Variants in DCAF1 observed in about 807,000 individuals in gnomAD.
DCAF1 encodes the protein DDB1 and CUL4 associated factor 1.
Under a neutral mutation model 128.0 loss-of-function variants are expected in DCAF1, and 15 were observed. The observed-to-expected ratio is 0.12, with a 90% confidence interval of 0.08 to 0.18. The LOEUF is 0.18. Among genes scored for constraint, DCAF1 ranks in the 10% least tolerant of loss-of-function variants. DCAF1 has a pLI of 1.00. For missense variants in DCAF1, 988 were observed against 1,649.5 expected, an observed-to-expected ratio of 0.60 and a Z score of 6.95; for synonymous variants, 610 against 603.0, an observed-to-expected ratio of 1.01 and a Z score of -0.17.
intron 2 of DCAF1, 121 bp from the exon 3 acceptor site, chr3:51,483,957 C>G: frequency 1.5e-6 from 1 of 674,772 alleles, no homozygotes. Context: ...GGAAATTTAA[C>G]CCCTTGAACC....
At chr3:51,434,227 C>A (rs1321382474) in intron 9 of DCAF1, among the ~76,000 whole-genome samples, 1 of 152,104 alleles carries the variant, frequency 6.6e-6, no homozygotes, top group Admixed American at 6.6e-5. Context: ...CATAGCACAA[C>A]CCCATCTCCA....
In DCAF1 at chr3:51,420,227, T is replaced by C. The variant is rs368429673; in HGVS notation, c.2743A>G (p.Ser915Gly). The C allele has an allele frequency of 3.1e-6, 5 of 1,613,908 alleles. No homozygotes were observed. Among genetic ancestry groups the C allele is most frequent in the South Asian group, 1.1e-5 (1 of 91,090 alleles). Residue 915 changes from serine to glycine, a missense_variant, in exon 15 of 25, where the codon AGC becomes GGC. Transcript: ENST00000684031. The surrounding 1 kb of genome is among the most constrained non-coding windows in gnomAD (Gnocchi z 6.5). ...IANGIATRLGSHAAVGASAPS... is the reference protein window; with the variant it reads ...IANGIATRLGGHAAVGASAPS... ...GCAGAGGCACCCACAGCAGCATGGC[T>C]GCCCAGACGAGTTGCAATGCCATTA...
chr3:51,432,449 C>T (rs1380133367), intron 10 of DCAF1, among the ~76,000 whole-genome samples: 1 of 150,764 alleles, frequency 6.6e-6, no homozygotes, highest in African/African-American at 2.4e-5. Context: ...CAGTGAGAGA[C>T]TAGGTCTGTT....
chr3:51,459,319 A>T (rs1703281194), intron 6 of DCAF1, among the ~76,000 whole-genome samples: 1 of 152,214 alleles, frequency 6.6e-6, no homozygotes, highest in South Asian at 2.1e-4. Context: ...GAAATGGATA[A>T]ATTCCTCGAC....
chr3:51,450,991 G>A (rs1248313209), intron 6 of DCAF1, among the ~76,000 whole-genome samples: 1 of 137,004 alleles, frequency 7.3e-6, no homozygotes, highest in Non-Finnish European at 1.5e-5. Flanking sequence ...ATTCAGCAAA[G>A]TTATAGGATA....
At chr3:51,491,256 G>A (rs1160346900) in intron 2 of DCAF1, among the ~76,000 whole-genome samples, 1 of 151,346 alleles carries the variant, frequency 6.6e-6, no homozygotes, top group African/African-American at 2.4e-5. Context: ...GCTGAGGCAG[G>A]AGAACCGCTT....
chr3:51,493,351 A>C (rs1175360058), intron 2 of DCAF1, among the ~76,000 whole-genome samples: 1 of 152,140 alleles, frequency 6.6e-6, no homozygotes, highest in African/African-American at 2.4e-5. Flanking sequence ...AGGCTGAGGC[A>C]GGAGAACCGC....
At chr3:51,433,779 G>A (rs1016515584) in intron 9 of DCAF1, among the ~76,000 whole-genome samples, 5 of 149,624 alleles carry the variant, frequency 3.3e-5, no homozygotes, top group Non-Finnish European at 7.4e-5. Flanking sequence ...TTTTATGAAG[G>A]TGAAAGATAT....
At chr3:51,396,969 G>A (rs1295499145), downstream of DCAF1, 1 of 167,032 alleles carries the variant, frequency 6.0e-6, no homozygotes, top group Non-Finnish European at 1.5e-5. Context: ...GCTCTCCAGA[G>A]GACCAAGAAA....
At chr3:51,480,650 T>C (rs1389561592) in intron 3 of DCAF1, among the ~76,000 whole-genome samples, 2 of 149,754 alleles carry the variant, frequency 1.3e-5, no homozygotes, top group African/African-American at 4.9e-5. Context: ...ACTAATACTA[T>C]GAGGGAGAAA....
At chr3:51,462,543 C>T (rs1269719825) in intron 6 of DCAF1, among the ~76,000 whole-genome samples, 5 of 151,944 alleles carry the variant, frequency 3.3e-5, no homozygotes, top group African/African-American at 7.3e-5. Flanking sequence ...GTCAGGAGTT[C>T]GAGGCCAACC....
intron 3 of DCAF1, among the ~76,000 whole-genome samples, chr3:51,472,885 G>A (rs1168635752): frequency 6.7e-6 from 1 of 149,658 alleles, no homozygotes; most frequent in Non-Finnish European, 1.5e-5. Flanking sequence ...GGCTGGTCTC[G>A]AACTCCTGAC....
At position 51,419,719 on chromosome 3, in the gene DCAF1, G is replaced by A. The variant is rs782031887; in HGVS notation, c.3236+15C>T. ...CATTCCAATTCCCAGGGAGTAAGAA[G>A]GGGCCTCTTCTTACCTGCTAAAGAT... On this transcript the variant is annotated intron_variant, in intron 15 of 24. Coordinates refer to ENST00000684031, the MANE Select transcript of DCAF1 (RefSeq NM_001387579.1). 1.3e-5 allele frequency: 21 copies of A among 1,581,292 alleles called. No homozygotes were observed. The highest frequency in any genetic ancestry group is 1.7e-5 in the Non-Finnish European group (20 of 1,163,258).
intron 2 of DCAF1, among the ~76,000 whole-genome samples, chr3:51,484,776 G>A (rs1181295293): frequency 2.8e-4 from 41 of 148,484 alleles, no homozygotes; most frequent in Admixed American, 1.2e-3. Context: ...TCCACCTCTC[G>A]GGTTCAAGCA....
intron 4 of DCAF1, among the ~76,000 whole-genome samples, chr3:51,469,102 A>C (rs1222923468): frequency 6.6e-6 from 1 of 152,158 alleles, no homozygotes; most frequent in African/African-American, 2.4e-5. Context: ...TGAAATGCCT[A>C]GCTTACATGT....
intron 12 of DCAF1, among the ~76,000 whole-genome samples, chr3:51,428,186 CTTT>C (rs77357659): frequency 6.7e-6 from 1 of 149,704 alleles, no homozygotes; most frequent in African/African-American, 2.5e-5. Flanking sequence ...CAATTTGTGA[CTTT>C]TTTTTTTCTT....
chr3:51,401,150 AAAAG>A (rs1213823316), intron 24 of DCAF1, among the ~76,000 whole-genome samples: 1 of 151,748 alleles, frequency 6.6e-6, no homozygotes, highest in African/African-American at 2.4e-5. Context: ...AAAAAAAAAA[AAAAG>A]ATCTCAGAAT....
chr3:51,466,291 C>T (rs554282625), intron 5 of DCAF1, among the ~76,000 whole-genome samples: 17 of 152,202 alleles, frequency 1.1e-4, no homozygotes, highest in African/African-American at 3.6e-4. Context: ...GATTTAAATC[C>T]AAAACATGGA....
chr3:51,441,591 C>T lies in DCAF1; in HGVS notation c.820G>A (p.Asp274Asn), dbSNP rs1420116467. The change falls in exon 8 of 25, where the codon GAC (aspartate) becomes AAC (asparagine). Residue 274 changes from aspartate (D) to asparagine (N), a missense_variant. Coordinates refer to ENST00000684031, the MANE Select transcript of DCAF1 (RefSeq NM_001387579.1). ...LKKNKSAKQG[D>N]RENFRKAKQK... ...TTGGCTTTCCTAAAGTTCTCTCTGT[C>T]ACCCTGTTTTGCTGACTTGTTTTTC... 1 of 1,613,856 alleles carries T rather than the reference C, an allele frequency of 6.2e-7. No individual in the cohort carries two copies. The highest frequency in any genetic ancestry group is 8.5e-7 in the Non-Finnish European group (1 of 1,179,894).
Sources: gnomAD v4.1 joint callset for allele counts (sites outside exome capture counted in the v4.1 genomes callset) on GRCh38, gnomAD v4.1.1 for gene constraint, Gnocchi (gnomAD v3.1) non-coding constraint, MANE v1.5 for transcripts, NCBI Gene and HGNC (gene_info 2026-07-23, HGNC 2026-07-21) for gene names.